The following FHIT variants were observed in gnomAD, a reference collection of about 807,000 sequenced individuals.
FHIT encodes bis(5'-adenosyl)-triphosphatase.
In FHIT, 19 loss-of-function variants were observed where a neutral mutation model predicts 17.9. The observed-to-expected ratio is 1.06, with a 90% CI of 0.74 to 1.56. The LOEUF (loss-of-function observed/expected upper bound fraction) is 1.56, where lower values mean the gene tolerates loss of function less well. Among genes scored for constraint, FHIT ranks in the 40% most tolerant of loss-of-function variants. The pLI, the probability that FHIT is intolerant of heterozygous loss-of-function variation, is 0.00. For synonymous variants in FHIT, 81 were observed against 69.7 expected, an observed-to-expected ratio of 1.16 and a Z score of -0.81; for missense variants, 248 against 189.2, an observed-to-expected ratio of 1.31 and a Z score of -1.82.
At chr3:60,150,349 T>A (rs2107328092) in intron 5 of FHIT, among the ~76,000 whole-genome samples, 1 of 152,206 alleles carries the variant, frequency 6.6e-6, no homozygotes, top group Admixed American at 6.5e-5. Context: ...AATTTCTCCT[T>A]GGGTATAAAA....
chr3:60,701,117 A>G (rs1454602121), intron 4 of FHIT, among the ~76,000 whole-genome samples: 4 of 148,368 alleles, frequency 2.7e-5, no homozygotes, highest in African/African-American at 1.0e-4. Flanking sequence ...CTGAACTGAA[A>G]AGACCCTTTT....
intron 8 of FHIT, among the ~76,000 whole-genome samples, chr3:59,866,618 CT>C (rs1702663503): frequency 6.6e-6 from 1 of 152,102 alleles, no homozygotes; most frequent in Admixed American, 6.5e-5. Context: ...TGCAAATTAT[CT>C]GGATCTGGGA....
chr3:59,823,046 T>C (rs889152590), intron 8 of FHIT, among the ~76,000 whole-genome samples: 26 of 152,222 alleles, frequency 1.7e-4, no homozygotes, highest in African/African-American at 6.3e-4. Flanking sequence ...GCACCATTTG[T>C]TGAATAGGAT....
intron 5 of FHIT, among the ~76,000 whole-genome samples, chr3:60,416,292 A>G (rs1230094616): frequency 6.6e-6 from 1 of 152,212 alleles, no homozygotes; most frequent in African/African-American, 2.4e-5. Flanking sequence ...AATTGATACA[A>G]CCAATAAAAG....
rs74633358 is a variant in FHIT at position 60,319,698 on chromosome 3, G to T, written c.103+217162C>A. On this transcript the variant is annotated intron_variant, in intron 5 of 9. Coordinates refer to ENST00000492590, the MANE Select transcript of FHIT (RefSeq NM_002012.4). ...ACAGCAGCACAGCCACAATGAAACC[G>T]CACAAATAAAGTGATCACCGTGGAA... Among the ~76,000 whole-genome samples, 1,246 of 152,178 alleles carry T rather than the reference G, an allele frequency of 8.2e-3. 15 individuals carry two copies. Among genetic ancestry groups the T allele is most frequent in the African/African-American group, 0.028 (1,172 of 41,522 alleles).
chr3:61,246,710 A>T (rs79815595), intron 1 of FHIT, among the ~76,000 whole-genome samples: 16,376 of 151,738 alleles, frequency 0.11, 1,074 homozygotes, highest in South Asian at 0.21. Context: ...TAGAGGGGGA[A>T]GGGGAGGGAG....
Position 60,690,201 on chromosome 3 carries a change from A to C in FHIT, c.-18+131718T>G, listed in dbSNP as rs2040953741. On this transcript the variant is annotated intron_variant, in intron 4 of 9. Transcript: ENST00000492590. ...CAACAGAAGAAATGGTCTGGTGGTT[A>C]AGATAAAACACAAGTCAAACTTATT... 8.2e-5 allele frequency: 40 copies of C among 485,394 alleles called. 1 individual carries two copies. Among genetic ancestry groups the C allele is most frequent in the South Asian group, 6.7e-4 (40 of 59,954 alleles). The allele number at this position is 485,394 out of a possible 1,614,324, so 30.1% of individuals were successfully genotyped here. A position where few individuals can be genotyped will look rare whatever the true frequency, so the allele number is the denominator to read the frequency against.
rs558789868 is a variant in FHIT, at chr3:59,899,267, C to G, written c.348+23079G>C. 1.5e-4 allele frequency among the ~76,000 whole-genome samples: 23 copies of G among 152,304 alleles called. No individual in the cohort carries two copies. The South Asian group carries it at 4.3e-3, about 29-fold the overall frequency. On this transcript the variant is annotated intron_variant, in intron 8 of 9. Coordinates refer to ENST00000492590, the MANE Select transcript of FHIT (RefSeq NM_002012.4). ...GGTCAAACACTGAACTTCTCAGACA[C>G]TTTTCACAAATGGAAAATGATCTCA...
chr3:59,964,623 A>G (rs1296301225), intron 7 of FHIT, among the ~76,000 whole-genome samples: 2 of 152,168 alleles, frequency 1.3e-5, no homozygotes, highest in African/African-American at 4.8e-5. Context: ...CAACATCACA[A>G]TAGACAAATA....
intron 4 of FHIT, among the ~76,000 whole-genome samples, chr3:60,697,610 T>G (rs1426553513): frequency 6.6e-6 from 1 of 152,158 alleles, no homozygotes; most frequent in Non-Finnish European, 1.5e-5. Flanking sequence ...ATGGTTAGAT[T>G]ACAAATAATA....
intron 5 of FHIT, among the ~76,000 whole-genome samples, chr3:60,439,646 C>G (rs1430881193): frequency 2.0e-5 from 3 of 152,074 alleles, no homozygotes; most frequent in African/African-American, 7.2e-5. Flanking sequence ...GAACAGCAGC[C>G]TGGGAAAAGA....
chr3:61,064,916 G>A (rs2034550185), intron 2 of FHIT, among the ~76,000 whole-genome samples: 1 of 152,152 alleles, frequency 6.6e-6, no homozygotes, highest in South Asian at 2.1e-4. Context: ...AGGTCATGGT[G>A]TACATCTGGG....
At chr3:60,205,970 A>C (rs1000499236) in intron 5 of FHIT, among the ~76,000 whole-genome samples, 1 of 150,740 alleles carries the variant, frequency 6.6e-6, no homozygotes, top group Admixed American at 6.6e-5. Flanking sequence ...AAAAAAAATA[A>C]AAAAATAAAA....
chr3:60,446,024 A>G lies in FHIT; in HGVS notation c.103+90836T>C, dbSNP rs149097042. Among the ~76,000 whole-genome samples, 209 of 152,254 alleles carry G rather than the reference A, an allele frequency of 1.4e-3. 3 individuals are homozygous for G. The highest frequency in any genetic ancestry group is 0.01 in the Middle Eastern group (3 of 294). On this transcript the variant is annotated intron_variant, in intron 5 of 9. Coordinates refer to ENST00000492590, the MANE Select transcript of FHIT (RefSeq NM_002012.4). Reference sequence around the variant, plus strand: ...AAAAAATAGACCTGCTTCTTACTGAAAAGCAGCAGTTGGAAACTGAAATGC... The same window carrying G: ...AAAAAATAGACCTGCTTCTTACTGAGAAGCAGCAGTTGGAAACTGAAATGC...
chr3:60,660,739 T>TG, intron 4 of FHIT, among the ~76,000 whole-genome samples: 1 of 137,964 alleles, frequency 7.2e-6, no homozygotes, highest in South Asian at 2.4e-4. Context: ...CTTTTTTTTT[T>TG]TTTTTTTTTT....
rs1559778007 is a variant in FHIT, at chr3:60,860,141, A to ATATATATGATATAT, written c.-110-38131_-110-38130insATATATCATATATA. On this transcript the variant is annotated intron_variant, in intron 3 of 9. Transcript: ENST00000492590. ...TATAAATGATATATCTGATATATAT[A>ATATATATGATATAT]CATATGGTATATATGATATACATCA... is the stretch of plus-strand genomic sequence containing the variant. 1.5e-4 allele frequency among the ~76,000 whole-genome samples: 11 copies of ATATATATGATATAT among 75,296 alleles called. 1 individual carries two copies. The highest frequency in any genetic ancestry group is 7.2e-4 in the African/African-American group (11 of 15,292). 49.4% of individuals were successfully genotyped at this position (75,296 alleles called of 152,430 possible).
At chr3:60,463,237 G>GAA (rs973018019) in intron 5 of FHIT, among the ~76,000 whole-genome samples, 1 of 150,980 alleles carries the variant, frequency 6.6e-6, no homozygotes, top group Non-Finnish European at 1.5e-5. Flanking sequence ...TGTTGAGAAG[G>GAA]AAAAAAAAAT....
At chr3:61,069,810 T>A (rs752556936) in intron 2 of FHIT, among the ~76,000 whole-genome samples, 5 of 152,178 alleles carry the variant, frequency 3.3e-5, no homozygotes, top group Non-Finnish European at 7.3e-5. Context: ...CTCTTCAAAA[T>A]GAAGATTGCA....
chr3:60,599,852 C>T (rs574587315), intron 4 of FHIT, among the ~76,000 whole-genome samples: 1 of 152,180 alleles, frequency 6.6e-6, no homozygotes, highest in South Asian at 2.1e-4. Flanking sequence ...GAGTTCTTGA[C>T]CTCAGCACTA....
Sources: allele counts gnomAD v4.1 joint callset (sites outside exome capture counted in the v4.1 genomes callset), GRCh38; gene constraint gnomAD v4.1.1; transcripts MANE v1.5; gene names NCBI Gene and HGNC (gene_info 2026-07-23, HGNC 2026-07-21).